USP1: variants seen among roughly 807,000 people sequenced by gnomAD.
The protein encoded by USP1 is ubiquitin specific peptidase 1, also known as ubiquitin carboxyl-terminal hydrolase 1.
In USP1, 18 loss-of-function variants were observed where a neutral mutation model predicts 72.2. The observed-to-expected ratio is 0.25, with a 90% confidence interval of 0.17 to 0.37. The LOEUF (loss-of-function observed/expected upper bound fraction) is 0.37, where lower values mean the gene tolerates loss of function less well. USP1 is among the 10% of genes least tolerant of loss of function. USP1 has a pLI of 1.00. For synonymous variants in USP1, 354 were observed against 303.7 expected, an observed-to-expected ratio of 1.17 and a Z score of -1.72; for missense variants, 759 against 884.9, an observed-to-expected ratio of 0.86 and a Z score of 1.81.
intron 2 of USP1, 66 bp from the exon 3 acceptor site, chr1:62,441,422 G>A (rs1571130986): frequency 2.1e-6 from 3 of 1,455,860 alleles, no homozygotes; most frequent in East Asian, 5.0e-5. Context: ...TAAATCTACA[G>A]AAGTAATATT....
intron 6 of USP1, 150 bp downstream of exon 6, chr1:62,445,579 T>A: frequency 2.9e-6 from 2 of 687,388 alleles, no homozygotes; most frequent in Non-Finnish European, 4.6e-6. Flanking sequence ...TATGGTGTTT[T>A]AAGTGCTATG....
Position 62,443,448 on chromosome 1 carries a change from T to C in USP1, c.557+129T>C, listed in dbSNP as rs941932054. On this transcript the variant is annotated intron_variant, in intron 5 of 8. Transcript: ENST00000339950. ...GAAACTCTAGGTCCACAGTCCTTTATATCCCAGAGACTCTGAATACTGGAA... is the reference window on the plus strand; with the variant it reads ...GAAACTCTAGGTCCACAGTCCTTTACATCCCAGAGACTCTGAATACTGGAA... 5.2e-6 allele frequency: 5 copies of C among 953,214 alleles called. No homozygotes were observed. In the African/African-American group the frequency reaches 8.6e-5, roughly 16 times the overall value. The allele number at this position is 953,214 out of a possible 1,614,324, so 59.0% of individuals were successfully genotyped here.
chr1:62,445,235 T>C lies in USP1; in HGVS notation c.1055T>C (p.Leu352Pro). Residue 352 changes from leucine to proline, a missense_variant, in exon 6 of 9, where the codon CTT becomes CCT. Transcript: ENST00000339950. Reference sequence around the variant, plus strand: ...TCTGCAACTAAGCAACCCAGCATTCTTTCTAAATTTTGTAGTCTGGGAAAA... The same window carrying C: ...TCTGCAACTAAGCAACCCAGCATTCCTTCTAAATTTTGTAGTCTGGGAAAA... ...LKSATKQPSILSKFCSLGKIT... is the reference protein window; with the variant it reads ...LKSATKQPSIPSKFCSLGKIT... 1 of 1,611,888 alleles carries C rather than the reference T, an allele frequency of 6.2e-7. No homozygotes were observed. The highest frequency in any genetic ancestry group is 8.5e-7 in the Non-Finnish European group (1 of 1,179,440).
At position 62,437,257 on chromosome 1, in the gene USP1, C is replaced by T. The variant is rs902640684; in HGVS notation, c.-213C>T. 11 of 398,260 alleles carry T rather than the reference C, an allele frequency of 2.8e-5. No homozygotes were observed. The highest frequency in any genetic ancestry group is 1.6e-4 in the African/African-American group (8 of 48,754). The allele number at this position is 398,260 out of a possible 1,614,324, so 24.7% of individuals were successfully genotyped here. A position where few individuals can be genotyped will look rare whatever the true frequency, so the allele number is the denominator to read the frequency against. On this transcript the variant is annotated 5_prime_UTR_variant, in exon 1 of 9. Transcript: ENST00000339950. ...CTCTTGGGAGCGGATGGTCACTCCC[C>T]CGCGGGGAGGGCGAGCCGACCAGAT...
In USP1 at chr1:62,445,270, A is replaced by C. The variant is rs749044006; in HGVS notation, c.1090A>C (p.Asn364His). 6.2e-7 allele frequency: 1 copy of C among 1,613,390 alleles called. No individual in the cohort carries two copies. The highest frequency in any genetic ancestry group is 1.1e-5 in the South Asian group (1 of 90,790). ...KFCSLGKITT[N>H]QGVKGQSKEN... is the part of the protein sequence containing the mutation. Reference sequence around the variant, plus strand: ...TTGTAGTCTGGGAAAAATAACAACAAACCAAGGAGTCAAAGGACAATCTAA... The same window carrying C: ...TTGTAGTCTGGGAAAAATAACAACACACCAAGGAGTCAAAGGACAATCTAA... The change falls in exon 6 of 9, where the codon AAC (asparagine) becomes CAC (histidine). Residue 364 changes from asparagine to histidine, a missense_variant. Transcript: ENST00000339950.
At chr1:62,444,282 G>GAAAAAAAAAT (rs1364974436) in intron 5 of USP1, among the ~76,000 whole-genome samples, 1 of 55,194 alleles carries the variant, frequency 1.8e-5, no homozygotes, top group African/African-American at 1.4e-4. Flanking sequence ...AAAAAAAAAG[G>GAAAAAAAAAT]CCATTGTAGC....
chr1:62,440,137 A>G (rs1645122474), intron 2 of USP1, 100 bp downstream of exon 2: 1 of 1,089,252 alleles, frequency 9.2e-7, no homozygotes. Flanking sequence ...TAGCGGCACA[A>G]AAAAGTACGC....
chr1:62,444,814 C>A lies in USP1; in HGVS notation c.634C>A (p.Gln212Lys). The A allele has an allele frequency of 6.2e-7, 1 of 1,613,166 alleles. No individual in the cohort carries two copies. Among genetic ancestry groups the A allele is most frequent in the South Asian group, 1.1e-5 (1 of 90,932 alleles). ...EVLQCILGNI[Q>K]ETCQLLKKEE... is the part of the protein sequence containing the mutation. ...ATTACAATGTATTTTGGGAAACATT[C>A]AAGAAACATGCCAACTCCTAAAAAA... is the stretch of plus-strand genomic sequence containing the variant. The change falls in exon 6 of 9, where the codon CAA becomes AAA. Residue 212 changes from glutamine (Q) to lysine (K), a missense_variant. Physicochemically the swap from Gln to Lys is moderately conservative, Grantham distance 53. Around this residue, in one of 9 missense-constraint regions of USP1, gnomAD observed 245 missense variants for 240.7 expected, o/e 1.02. Transcript: ENST00000339950.
chr1:62,440,815 TTTG>T (rs550408982), intron 2 of USP1, among the ~76,000 whole-genome samples: 63 of 152,262 alleles, frequency 4.1e-4, no homozygotes, highest in Non-Finnish European at 7.5e-4. Context: ...TAGTGGTTTT[TTTG>T]TTGTTGTTGT....
intron 1 of USP1, 64 bp from the exon 2 acceptor site, chr1:62,439,735 A>G: frequency 3.9e-6 from 3 of 766,316 alleles, no homozygotes; most frequent in Non-Finnish European, 5.5e-6. Flanking sequence ...TGTTTTCAAA[A>G]TTGATGATTT....
chr1:62,439,935 T>C lies in USP1; in HGVS notation c.68T>C (p.Leu23Pro). Residue 23 changes from leucine to proline, a missense_variant, in exon 2 of 9, where the codon CTT (leucine) becomes CCT (proline). Physicochemically the swap from Leu to Pro is moderately conservative, Grantham distance 98 (BLOSUM62 -3). Around this residue, in one of 9 missense-constraint regions of USP1, gnomAD observed 86 missense variants for 82.0 expected, o/e 1.05. Transcript: ENST00000339950. ...GGTAGCCCTTCAAAGAAAAACAGAC[T>C]TTCCTTAAAGTTTTTTCAGAAAAAG... ...SRGSPSKKNR[L>P]SLKFFQKKET... 6.4e-7 allele frequency: 1 copy of C among 1,569,706 alleles called. No individual in the cohort carries two copies. Among genetic ancestry groups the C allele is most frequent in the South Asian group, 1.2e-5 (1 of 82,116 alleles).
In USP1 at chr1:62,450,838, A is replaced by G. The variant is rs1170646855; in HGVS notation, c.2215A>G (p.Ser739Gly). The G allele has an allele frequency of 1.9e-6, 3 of 1,614,070 alleles. No homozygotes were observed. Among genetic ancestry groups the G allele is most frequent in the Admixed American group, 1.7e-5 (1 of 60,028 alleles). The change falls in exon 9 of 9, where the codon AGC (serine) becomes GGC (glycine). Residue 739 changes from serine (S) to glycine (G), a missense_variant. This residue lies in a region of USP1 where 159 missense variants were observed against 140.9 expected (regional missense o/e 1.13). Coordinates refer to ENST00000339950, the MANE Select transcript of USP1 (RefSeq NM_003368.5). ...GAACAAAATTTCATACGTAGTGCAA[A>G]GCTTAAAGGAGTATGAGGGGAAGTG... ...FENKISYVVQSLKEYEGKWLL... is the reference protein window; with the variant it reads ...FENKISYVVQGLKEYEGKWLL...
intron 5 of USP1, among the ~76,000 whole-genome samples, chr1:62,444,404 G>GAA: frequency 6.6e-6 from 1 of 152,014 alleles, no homozygotes; most frequent in African/African-American, 2.4e-5. Context: ...GTCAGTAATG[G>GAA]TGATAATAGT....
intron 4 of USP1, among the ~76,000 whole-genome samples, 159 bp downstream of exon 4, chr1:62,442,458 G>A (rs749333462): frequency 1.3e-5 from 2 of 151,912 alleles, no homozygotes; most frequent in African/African-American, 2.4e-5. Context: ...CTTTCAAGGT[G>A]GCTAACTAGA....
chr1:62,448,359 TG>T, intron 7 of USP1, 105 bp from the exon 8 acceptor site: 1 of 1,056,788 alleles, frequency 9.5e-7, no homozygotes, highest in Non-Finnish European at 1.4e-6. Context: ...TATTTAGGAA[TG>T]GGTCGGTCAA....
At chr1:62,448,041 C>A (rs1440285746) in intron 7 of USP1, among the ~76,000 whole-genome samples, 1 of 152,176 alleles carries the variant, frequency 6.6e-6, no homozygotes, top group Non-Finnish European at 1.5e-5. Context: ...CCGCCTTGGC[C>A]TCCCAAAGTG....
At position 62,448,496 on chromosome 1, in the gene USP1, C is replaced by T. The variant is rs1645192163; in HGVS notation, c.1452C>T (p.Thr484=). The T allele has an allele frequency of 1.2e-6, 2 of 1,613,558 alleles. No individual in the cohort carries two copies. The highest frequency in any genetic ancestry group is 1.3e-5 in the African/African-American group (1 of 74,852). Residue 484 remains threonine (T), a synonymous_variant, in exon 8 of 9, where the codon ACC becomes ACT. Transcript: ENST00000339950. ...ISPEPKTEMK[T]LRWAISQFAS... Reference sequence around the variant, plus strand: ...CAGAGCCAAAAACAGAAATGAAGACCCTGAGATGGGCAATTTCACAATTTG... The same window carrying T: ...CAGAGCCAAAAACAGAAATGAAGACTCTGAGATGGGCAATTTCACAATTTG...
rs748745910 is a variant in USP1 at position 62,443,330 on chromosome 1, T to C, written c.557+11T>C. 1.3e-6 allele frequency: 2 copies of C among 1,578,208 alleles called. No homozygotes were observed. The highest frequency in any genetic ancestry group is 1.2e-5 in the South Asian group (1 of 84,562). ...GCTTAACACACTGAGGTATAGCCTATAATATAATTTTAGGGTTTCAATTTA... is the reference window on the plus strand; with the variant it reads ...GCTTAACACACTGAGGTATAGCCTACAATATAATTTTAGGGTTTCAATTTA... On this transcript the variant is annotated intron_variant, in intron 5 of 8. Coordinates refer to ENST00000339950, the MANE Select transcript of USP1 (RefSeq NM_003368.5).
chr1:62,448,127 G>A (rs1286973199), intron 7 of USP1, among the ~76,000 whole-genome samples: 2 of 152,114 alleles, frequency 1.3e-5, no homozygotes, highest in Non-Finnish European at 2.9e-5. Flanking sequence ...CCACTGTTGT[G>A]TCTAGAGCAT....
Sources: gnomAD v4.1 joint callset for allele counts (sites outside exome capture counted in the v4.1 genomes callset) on GRCh38, gnomAD v4.1.1 for gene constraint, gnomAD v4.1.1 regional missense constraint, MANE v1.5 for transcripts, NCBI Gene and HGNC (gene_info 2026-07-23, HGNC 2026-07-21) for gene names.